The following PFKP variants were observed in gnomAD, a reference collection of about 807,000 sequenced individuals.
The protein encoded by PFKP is phosphofructokinase, platelet.
A neutral mutation model predicts 94.3 loss-of-function variants in PFKP; 101 were observed. The ratio of observed to expected loss-of-function variants is 1.07; its 90% confidence interval spans 0.91 to 1.26. The LOEUF (loss-of-function observed/expected upper bound fraction) is 1.26. Among genes scored for constraint, PFKP ranks in the 50% most tolerant of loss-of-function variants. PFKP has a pLI of 0.00. For missense variants in PFKP, 1,145 were observed against 1,103.3 expected (o/e 1.04, Z -0.53); for synonymous variants, 573 against 432.6 (o/e 1.32, Z -4.03).
In PFKP at chr10:3,113,201, C is replaced by A; in HGVS notation, c.1224+13C>A. ...TCAGATCCCAAAGGTAGGTGGCCGG[C>A]CTCCCGCGATGCCCCGACCTCTCCT... On this transcript the variant is annotated intron_variant, in intron 12 of 21. Coordinates refer to ENST00000381125, the MANE Select transcript of PFKP (RefSeq NM_002627.5). 1 of 1,608,658 alleles carries A rather than the reference C, an allele frequency of 6.2e-7. No individual in the cohort carries two copies. The highest frequency in any genetic ancestry group is 8.5e-7 in the Non-Finnish European group (1 of 1,177,564).
intron 1 of PFKP, among the ~76,000 whole-genome samples, chr10:3,071,293 C>A (rs891237251): frequency 2.6e-5 from 4 of 152,058 alleles, no homozygotes; most frequent in Non-Finnish European, 5.9e-5. Context: ...TTATAAGATA[C>A]AATTGAAAAT....
chr10:3,113,032 T>G, intron 11 of PFKP, 87 bp from the exon 12 acceptor site: 1 of 1,178,048 alleles, frequency 8.5e-7, no homozygotes, highest in Non-Finnish European at 1.2e-6. Flanking sequence ...CATTGAGTGC[T>G]GGCAGATAAG....
At chr10:3,080,749 A>G (rs1028442500) in intron 1 of PFKP, among the ~76,000 whole-genome samples, 1 of 152,196 alleles carries the variant, frequency 6.6e-6, no homozygotes, top group Non-Finnish European at 1.5e-5. Context: ...ATAAAAGCAA[A>G]TGAAAGAGAA....
intron 1 of PFKP, among the ~76,000 whole-genome samples, chr10:3,068,172 C>G (rs1825731695): frequency 6.6e-6 from 1 of 151,954 alleles, no homozygotes; most frequent in Non-Finnish European, 1.5e-5. Flanking sequence ...TCCTAAGTGC[C>G]CCCCCGCCCC....
At position 3,113,583 on chromosome 10, in the gene PFKP, C is replaced by CG. The variant is rs546908741; in HGVS notation, c.1371+72dup. ...GCTGTGAGCACAGTGGACGTGGCGG[C>CG]GGGGGGGTGCCCTCCATGGCCCTCA... On this transcript the variant is annotated intron_variant, in intron 13 of 21. Transcript: ENST00000381125. 2.6e-4 allele frequency: 386 copies of CG among 1,464,574 alleles called. 3 individuals are homozygous for CG. In the East Asian group the frequency reaches 5.2e-3, roughly 20 times the overall value. 90.7% of individuals were successfully genotyped at this position (1,464,574 alleles called of 1,614,324 possible).
rs192582250 is a variant in PFKP at position 3,084,984 on chromosome 10, G to A, written c.186+2523G>A. On this transcript the variant is annotated intron_variant, in intron 2 of 21. Coordinates refer to ENST00000381125, the MANE Select transcript of PFKP (RefSeq NM_002627.5). ...CGGTCCCCCACTCCCTCCCCAGCAC[G>A]GTCCCCCACTCCCTCCCCAGCACGG... 6.0e-3 allele frequency among the ~76,000 whole-genome samples: 4 copies of A among 662 alleles called. 2 individuals carry two copies. The highest frequency in any genetic ancestry group is 0.032 in the Admixed American group (2 of 62). The allele number at this position is 662 out of a possible 152,430, so 0.4% of individuals were successfully genotyped here.
At chr10:3,122,660 C>G (rs1344471022) in intron 16 of PFKP, among the ~76,000 whole-genome samples, 1 of 152,232 alleles carries the variant, frequency 6.6e-6, no homozygotes, top group Non-Finnish European at 1.5e-5. Flanking sequence ...AGCGTCTCTT[C>G]CCTGTCCGGC....
At chr10:3,097,814 G>A (rs982174947) in intron 2 of PFKP, among the ~76,000 whole-genome samples, 16 of 152,172 alleles carry the variant, frequency 1.1e-4, no homozygotes, top group African/African-American at 3.9e-4. Context: ...AAACCAGCCT[G>A]GCCAACATGG....
At chr10:3,115,580 G>A (rs1836759089) in intron 13 of PFKP, among the ~76,000 whole-genome samples, 1 of 151,508 alleles carries the variant, frequency 6.6e-6, no homozygotes, top group Non-Finnish European at 1.5e-5. Context: ...GGACAGGACT[G>A]GGGATGCCAG....
chr10:3,070,524 C>T (rs1485585038), intron 1 of PFKP, among the ~76,000 whole-genome samples: 1 of 152,194 alleles, frequency 6.6e-6, no homozygotes, highest in East Asian at 1.9e-4. Flanking sequence ...TTAAGATGAT[C>T]ATAGCTACCA....
intron 7 of PFKP, among the ~76,000 whole-genome samples, chr10:3,105,748 C>T (rs1277579946): frequency 6.6e-6 from 1 of 152,140 alleles, no homozygotes; most frequent in Non-Finnish European, 1.5e-5. Context: ...GTTAGAATGC[C>T]CCATGCGTGC....
chr10:3,136,525 C>G lies in PFKP; in HGVS notation c.2301C>G (p.Ser767Arg), dbSNP rs759906119. The G allele has an allele frequency of 1.2e-6, 2 of 1,613,638 alleles. No individual in the cohort carries two copies. Among genetic ancestry groups the G allele is most frequent in the Non-Finnish European group, 1.7e-6 (2 of 1,179,752 alleles). ...LMKILAKYKASYDVSDSGQLE... is the reference protein window; with the variant it reads ...LMKILAKYKARYDVSDSGQLE... Reference sequence around the variant, plus strand: ...AAATCCTGGCCAAGTACAAGGCCAGCTATGACGTGTCGGACTCAGGCCAGC... The same window carrying G: ...AAATCCTGGCCAAGTACAAGGCCAGGTATGACGTGTCGGACTCAGGCCAGC... Residue 767 changes from serine (S) to arginine (R), a missense_variant, in exon 22 of 22, where the codon AGC (serine) becomes AGG (arginine). Coordinates refer to ENST00000381125, the MANE Select transcript of PFKP (RefSeq NM_002627.5).
At chr10:3,104,542 CTG>C (rs1242090083) in intron 5 of PFKP, among the ~76,000 whole-genome samples, 3 of 152,254 alleles carry the variant, frequency 2.0e-5, no homozygotes, top group Non-Finnish European at 2.9e-5. Context: ...TCCCAGTCCT[CTG>C]TGTGCGTGTC....
At chr10:3,113,654 AGCAT>A in intron 13 of PFKP, 136 bp downstream of exon 13, 13 of 677,650 alleles carry the variant, frequency 1.9e-5, no homozygotes, top group Non-Finnish European at 2.9e-5. Context: ...TTGTGACTGA[AGCAT>A]TGCTTCTGGA....
intron 16 of PFKP, among the ~76,000 whole-genome samples, chr10:3,120,714 C>G (rs891876780): frequency 6.6e-6 from 1 of 152,088 alleles, no homozygotes. Flanking sequence ...GGCTTGAGTG[C>G]GGTGGTGTGA....
intron 17 of PFKP, 53 bp from the exon 18 acceptor site, chr10:3,132,327 A>AG: frequency 2.3e-6 from 3 of 1,311,346 alleles, no homozygotes; most frequent in Non-Finnish European, 3.3e-6. Flanking sequence ...CCTGGCACAC[A>AG]GTAGGTACTT....
At position 3,114,458 on chromosome 10, in the gene PFKP, T is replaced by C. The variant is rs111896699; in HGVS notation, c.1371+940T>C. ...ACCCACCGTGCCCAGCCTCCTACTT[T>C]GTGGAATTCTTATGCTGAGGAATTA... On this transcript the variant is annotated intron_variant, in intron 13 of 21. Transcript: ENST00000381125. Among the ~76,000 whole-genome samples the C allele has an allele frequency of 7.5e-3, 1,142 of 152,294 alleles. 13 individuals are homozygous for C. The highest frequency in any genetic ancestry group is 0.026 in the African/African-American group (1,085 of 41,562).
rs563101152 is a variant in PFKP, at chr10:3,098,876, A to G, written c.187-399A>G. ...CTTGGCAGGCGGAGCCCCTGACAAAATGCTCCCATGTATGTCCCGTGCTCG... is the reference window on the plus strand; with the variant it reads ...CTTGGCAGGCGGAGCCCCTGACAAAGTGCTCCCATGTATGTCCCGTGCTCG... On this transcript the variant is annotated intron_variant, in intron 2 of 21. Coordinates refer to ENST00000381125, the MANE Select transcript of PFKP (RefSeq NM_002627.5). 5.3e-5 allele frequency among the ~76,000 whole-genome samples: 8 copies of G among 152,272 alleles called. No homozygotes were observed. In the East Asian group the frequency reaches 1.5e-3, roughly 29 times the overall value.
intron 14 of PFKP, 110 bp from the exon 15 acceptor site, chr10:3,118,672 A>G: frequency 1.5e-6 from 1 of 682,710 alleles, no homozygotes; most frequent in Non-Finnish European, 2.6e-6. Flanking sequence ...ACCGCTCCTT[A>G]ATTAAAACCA....
Sources: allele counts gnomAD v4.1 joint callset (sites outside exome capture counted in the v4.1 genomes callset), GRCh38; gene constraint gnomAD v4.1.1; transcripts MANE v1.5; gene names NCBI Gene and HGNC (gene_info 2026-07-23, HGNC 2026-07-21).